The following SH3RF1 variants were observed in gnomAD, a reference collection of about 807,000 sequenced individuals.
SH3RF1 encodes SH3 domain containing ring finger 1, also known as E3 ubiquitin-protein ligase SH3RF1.
Under a neutral mutation model 74.0 loss-of-function variants are expected in SH3RF1, and 32 were observed. The ratio of observed to expected loss-of-function variants is 0.43; its 90% CI spans 0.33 to 0.58. The LOEUF is 0.58. Ranked by LOEUF, SH3RF1 falls within the 20% of genes least tolerant of loss-of-function variation. The pLI, the probability that SH3RF1 is intolerant of heterozygous loss-of-function variation, is 0.05. For missense variants in SH3RF1, 954 were observed against 1,130.9 expected (o/e 0.84, Z 2.24); for synonymous variants, 396 against 439.6 (o/e 0.90, Z 1.24).
chr4:169,125,453 C>T (rs1455286735), intron 6 of SH3RF1, among the ~76,000 whole-genome samples: 1 of 151,966 alleles, frequency 6.6e-6, no homozygotes, highest in Admixed American at 6.6e-5. Context: ...GTGATTGGAT[C>T]TTAGGATCTG....
intron 4 of SH3RF1, among the ~76,000 whole-genome samples, chr4:169,139,947 T>C (rs768686461): frequency 6.6e-6 from 1 of 152,184 alleles, no homozygotes; most frequent in Non-Finnish European, 1.5e-5. Flanking sequence ...ATGGACAAGT[T>C]TCATTTTTCT....
chr4:169,181,257 CTTTTTT>C (rs397878328), intron 2 of SH3RF1, among the ~76,000 whole-genome samples: 1 of 103,390 alleles, frequency 9.7e-6, no homozygotes, highest in African/African-American at 4.1e-5. Flanking sequence ...TTGGGAAAGC[CTTTTTT>C]TTTTTTTTTT....
At chr4:169,240,817 C>A (rs1331030140) in intron 2 of SH3RF1, among the ~76,000 whole-genome samples, 2 of 152,130 alleles carry the variant, frequency 1.3e-5, no homozygotes, top group Non-Finnish European at 2.9e-5. Context: ...CATACTTATA[C>A]CGCTTGTACA....
intron 2 of SH3RF1, among the ~76,000 whole-genome samples, chr4:169,257,059 G>C (rs1228024880): frequency 6.6e-6 from 1 of 152,204 alleles, no homozygotes; most frequent in Non-Finnish European, 1.5e-5. Context: ...TTGGAAAGCA[G>C]CTCTTCATCA....
intron 2 of SH3RF1, among the ~76,000 whole-genome samples, chr4:169,241,855 C>T (rs1730916616): frequency 6.6e-6 from 1 of 152,152 alleles, no homozygotes; most frequent in African/African-American, 2.4e-5. Context: ...TTTCCCTCTT[C>T]TCTGGCCCTT....
At chr4:169,194,140 T>C (rs1314548013) in intron 2 of SH3RF1, among the ~76,000 whole-genome samples, 3 of 152,182 alleles carry the variant, frequency 2.0e-5, no homozygotes, top group Non-Finnish European at 4.4e-5. Flanking sequence ...GAAGTTCAGG[T>C]AGTCGTCATC....
chr4:169,131,285 T>C (rs1733615091), intron 5 of SH3RF1, among the ~76,000 whole-genome samples: 2 of 152,330 alleles, frequency 1.3e-5, no homozygotes, highest in Middle Eastern at 3.4e-3. Context: ...TTAGTCTATA[T>C]ATTGATTGAA....
chr4:169,096,693 A>C lies in SH3RF1; in HGVS notation c.2499-6T>G. The C allele has an allele frequency of 8.7e-6, 14 of 1,603,734 alleles. No individual in the cohort carries two copies. Among genetic ancestry groups the C allele is most frequent in the Non-Finnish European group, 1.2e-5 (14 of 1,176,992 alleles). On this transcript the variant is annotated splice_polypyrimidine_tract_variant and splice_region_variant and intron_variant, in intron 11 of 11. Coordinates refer to ENST00000284637, the MANE Select transcript of SH3RF1 (RefSeq NM_020870.4). ...AGGAAACCACCACCCTGTGCCTAGA[A>C]AAGAAAGAGATTTTGGTTAAGGCGA...
intron 2 of SH3RF1, among the ~76,000 whole-genome samples, chr4:169,198,751 A>G (rs566838651): frequency 2.0e-4 from 30 of 152,312 alleles, no homozygotes; most frequent in African/African-American, 6.7e-4. Flanking sequence ...CAAAGAGAAG[A>G]CTTTACAAGA....
At chr4:169,109,159 A>G (rs1733199367) in intron 10 of SH3RF1, among the ~76,000 whole-genome samples, 1 of 152,220 alleles carries the variant, frequency 6.6e-6, no homozygotes, top group Non-Finnish European at 1.5e-5. Flanking sequence ...ACTTCCAGCT[A>G]TTCTTGCCAT....
intron 2 of SH3RF1, among the ~76,000 whole-genome samples, chr4:169,211,634 T>C (rs1226481738): frequency 6.6e-6 from 1 of 152,150 alleles, no homozygotes; most frequent in Non-Finnish European, 1.5e-5. Flanking sequence ...ACAATTCAAA[T>C]GAAGGCCTGC....
chr4:169,145,106 C>G (rs1400201166), intron 4 of SH3RF1, among the ~76,000 whole-genome samples: 1 of 152,098 alleles, frequency 6.6e-6, no homozygotes, highest in African/African-American at 2.4e-5. Flanking sequence ...GAAAAGAAAT[C>G]ATTTTACTAA....
intron 8 of SH3RF1, 31 bp from the exon 9 acceptor site, chr4:169,117,813 C>A: frequency 6.3e-7 from 1 of 1,586,214 alleles, no homozygotes. Flanking sequence ...ATGGAAAGCC[C>A]AGTCCATCAG....
chr4:169,226,585 C>T (rs1056897300), intron 2 of SH3RF1, among the ~76,000 whole-genome samples: 1 of 151,988 alleles, frequency 6.6e-6, no homozygotes, highest in Admixed American at 6.5e-5. Flanking sequence ...CCATTCCTTA[C>T]CCCCCTAGAA....
chr4:169,236,183 C>A (rs1730820251), intron 2 of SH3RF1, among the ~76,000 whole-genome samples: 1 of 152,230 alleles, frequency 6.6e-6, no homozygotes, highest in Non-Finnish European at 1.5e-5. Context: ...CATGGCAGGA[C>A]TGCCCTTTCC....
intron 2 of SH3RF1, among the ~76,000 whole-genome samples, chr4:169,251,986 T>G (rs1731112652): frequency 6.6e-6 from 1 of 152,248 alleles, no homozygotes; most frequent in Non-Finnish European, 1.5e-5. Flanking sequence ...CAACTAAGTG[T>G]ATTTTTCAGT....
At position 169,131,604 on chromosome 4, in the gene SH3RF1, C is replaced by T. The variant is rs553067362; in HGVS notation, c.1069-1448G>A. Among the ~76,000 whole-genome samples the T allele has an allele frequency of 4.6e-5, 7 of 152,340 alleles. No homozygotes were observed. The South Asian group carries it at 1.0e-3, about 23-fold the overall frequency. Reference sequence around the variant, plus strand: ...AGGCAGGGAACCTAAGGCTGTTTCACGCTGACTTCCCAGAACTAAACTGAA... The same window carrying T: ...AGGCAGGGAACCTAAGGCTGTTTCATGCTGACTTCCCAGAACTAAACTGAA... On this transcript the variant is annotated intron_variant, in intron 5 of 11. Transcript: ENST00000284637.
At chr4:169,125,629 C>T (rs1482983199) in intron 6 of SH3RF1, among the ~76,000 whole-genome samples, 2 of 152,324 alleles carry the variant, frequency 1.3e-5, no homozygotes, top group East Asian at 1.9e-4. Context: ...CTCCCTCACA[C>T]ACTCCCAGGG....
intron 4 of SH3RF1, among the ~76,000 whole-genome samples, chr4:169,149,633 A>G (rs1210838859): frequency 6.6e-6 from 1 of 152,216 alleles, no homozygotes. Context: ...GGAAATTTGG[A>G]TGCTAAGCAA....
Sources: gnomAD v4.1 joint callset for allele counts (sites outside exome capture counted in the v4.1 genomes callset) on GRCh38, gnomAD v4.1.1 for gene constraint, MANE v1.5 for transcripts, NCBI Gene and HGNC (gene_info 2026-07-23, HGNC 2026-07-21) for gene names.